The following PCDH15 variants were observed in gnomAD, a reference collection of about 807,000 sequenced individuals.
PCDH15 encodes protocadherin related 15.
A neutral mutation model predicts 178.5 loss-of-function variants in PCDH15; 129 were observed. That is an observed-to-expected ratio of 0.72 (90% CI 0.63 to 0.84). The LOEUF (loss-of-function observed/expected upper bound fraction) is 0.84, where lower values mean the gene tolerates loss of function less well. Ranked by LOEUF, PCDH15 falls within the 40% of genes least tolerant of loss-of-function variation. The pLI is 0.00. For synonymous variants in PCDH15, 800 were observed against 732.0 expected, an observed-to-expected ratio of 1.09 and a Z score of -1.50; for missense variants, 2,230 against 2,099.9, an observed-to-expected ratio of 1.06 and a Z score of -1.21.
rs16907113 is a variant in PCDH15 at position 55,207,414 on chromosome 10, C to G, written c.-155-40763G>C. ...ATTAGTAGTTGTCAGGCCCGAGTAA[C>G]CACTATGCATTTCACATTGCTAAGA... On this transcript the variant is annotated intron_variant, in intron 1 of 5. Coordinates refer to the PCDH15 transcript ENST00000458638. 4.2e-3 allele frequency among the ~76,000 whole-genome samples: 643 copies of G among 152,122 alleles called. 8 individuals are homozygous for G. The highest frequency in any genetic ancestry group is 0.015 in the African/African-American group (623 of 41,450).
intron 6 of PCDH15, among the ~76,000 whole-genome samples, chr10:54,345,687 C>T (rs1032392708): frequency 1.3e-5 from 2 of 151,318 alleles, no homozygotes; most frequent in African/African-American, 4.9e-5. Context: ...TGAGACCATC[C>T]TGGCTAACAC....
At chr10:55,430,213 C>T (rs1463705009) in intron 2 of PCDH15, among the ~76,000 whole-genome samples, 1 of 152,086 alleles carries the variant, frequency 6.6e-6, no homozygotes, top group Non-Finnish European at 1.5e-5. Context: ...ATGACTTGAG[C>T]CCTGGAGGTT....
intron 28 of PCDH15, among the ~76,000 whole-genome samples, chr10:53,848,146 T>G (rs1213546214): frequency 6.6e-6 from 1 of 151,828 alleles, no homozygotes; most frequent in African/African-American, 2.4e-5. Context: ...CTCTTGATGA[T>G]TAAAGTGGCC....
chr10:54,206,799 T>C (rs1446963723), intron 10 of PCDH15, among the ~76,000 whole-genome samples: 5 of 152,094 alleles, frequency 3.3e-5, no homozygotes, highest in African/African-American at 9.7e-5. Flanking sequence ...TTCATTGTTA[T>C]ATTTCTATGG....
intron 1 of PCDH15, among the ~76,000 whole-genome samples, chr10:55,178,329 A>C (rs1304971284): frequency 6.6e-6 from 1 of 152,152 alleles, no homozygotes; most frequent in African/African-American, 2.4e-5. Flanking sequence ...GGGCTGCATA[A>C]GAGAAATAAA....
chr10:54,239,432 T>TATAGAGAGAGAGAGAGAGAG (rs1554853331), intron 8 of PCDH15, among the ~76,000 whole-genome samples: 13 of 150,640 alleles, frequency 8.6e-5, no homozygotes, highest in African/African-American at 3.2e-4. Context: ...TATATATATA[T>TATAGAGAGAGAGAGAGAGAG]AGAGTAAGAA....
intron 35 of PCDH15, among the ~76,000 whole-genome samples, chr10:53,814,962 C>CA (rs34460612): frequency 0.049 from 4,274 of 87,720 alleles, 197 homozygotes; most frequent in African/African-American, 0.13. Flanking sequence ...GAATCTGTCT[C>CA]AAAAAAAAAA....
intron 2 of PCDH15, among the ~76,000 whole-genome samples, chr10:54,989,726 T>G (rs2131915251): frequency 6.6e-6 from 1 of 152,280 alleles, no homozygotes; most frequent in East Asian, 1.9e-4. Flanking sequence ...TGAAATGAGT[T>G]ATAACTTTGG....
chr10:53,821,773 GTCT>G, intron 32 of PCDH15: 1 of 1,583,662 alleles, frequency 6.3e-7, no homozygotes, highest in Non-Finnish European at 8.5e-7. Context: ...AAATAATAGA[GTCT>G]TCTTTGACGT....
At chr10:54,224,113 A>G (rs1183913259) in intron 9 of PCDH15, among the ~76,000 whole-genome samples, 2 of 152,190 alleles carry the variant, frequency 1.3e-5, no homozygotes, top group African/African-American at 4.8e-5. Flanking sequence ...TAACACAGAA[A>G]TAAAAGAGAA....
At chr10:55,064,789 T>A (rs755494297) in intron 2 of PCDH15, among the ~76,000 whole-genome samples, 1 of 152,080 alleles carries the variant, frequency 6.6e-6, no homozygotes. Flanking sequence ...CAATTTATAC[T>A]TGTGAAGCAA....
At chr10:54,745,571 A>T (rs901631541) in intron 1 of PCDH15, among the ~76,000 whole-genome samples, 1 of 152,144 alleles carries the variant, frequency 6.6e-6, no homozygotes, top group Admixed American at 6.6e-5. Context: ...AATCAGTTAG[A>T]CTGGTAAGGG....
intron 27 of PCDH15, among the ~76,000 whole-genome samples, chr10:53,859,656 C>A (rs143951427): frequency 1.7e-3 from 265 of 151,832 alleles, no homozygotes; most frequent in African/African-American, 6.2e-3. Flanking sequence ...ACTCTTGCAG[C>A]GGAGACTTAA....
chr10:55,411,103 G>T (rs1172468200), intron 2 of PCDH15, among the ~76,000 whole-genome samples: 1 of 152,102 alleles, frequency 6.6e-6, no homozygotes. Context: ...AGGATTTCAT[G>T]TCCTTAGTGT....
chr10:54,534,908 C>T (rs550547478), intron 2 of PCDH15, among the ~76,000 whole-genome samples: 12 of 152,208 alleles, frequency 7.9e-5, no homozygotes, highest in African/African-American at 2.9e-4. Flanking sequence ...AAAGTTTGAT[C>T]TTGAATTTAT....
intron 3 of PCDH15, among the ~76,000 whole-genome samples, chr10:54,851,419 T>C (rs996542462): frequency 4.6e-5 from 7 of 152,182 alleles, no homozygotes; most frequent in African/African-American, 1.7e-4. Flanking sequence ...GTTTGAGATA[T>C]TGACAAAGTA....
At position 55,380,068 on chromosome 10, in the gene PCDH15, A is replaced by G. The variant is rs148339192; in HGVS notation, c.-155-213417T>C. 3.7e-3 allele frequency among the ~76,000 whole-genome samples: 567 copies of G among 152,296 alleles called. 4 individuals are homozygous for G. Among genetic ancestry groups the G allele is most frequent in the African/African-American group, 0.011 (472 of 41,566 alleles). Reference sequence around the variant, plus strand: ...ACAGTCAGGTCAATTACAAACTATTAGAGAAAAATGACTGTGATCAGAGCC... The same window carrying G: ...ACAGTCAGGTCAATTACAAACTATTGGAGAAAAATGACTGTGATCAGAGCC... On this transcript the variant is annotated intron_variant, in intron 2 of 5. Transcript: ENST00000613346.
At chr10:54,888,547 G>T (rs567845130) in intron 3 of PCDH15, among the ~76,000 whole-genome samples, 1 of 151,482 alleles carries the variant, frequency 6.6e-6, no homozygotes. Context: ...TTTTATTTTA[G>T]GTAAATACTT....
intron 2 of PCDH15, among the ~76,000 whole-genome samples, chr10:55,109,651 G>C (rs1837448034): frequency 6.6e-6 from 1 of 152,038 alleles, no homozygotes; most frequent in South Asian, 2.1e-4. Flanking sequence ...TATTTTCATT[G>C]TCTAATAAAT....
Sources: allele counts gnomAD v4.1 joint callset (sites outside exome capture counted in the v4.1 genomes callset), GRCh38; gene constraint gnomAD v4.1.1; transcripts MANE v1.5; gene names NCBI Gene and HGNC (gene_info 2026-07-23, HGNC 2026-07-21).